KLHL24: variants seen among roughly 807,000 people sequenced by gnomAD.
KLHL24 encodes kelch-like protein 24.
KLHL24 carries 29 observed loss-of-function variants against 53.4 expected under a neutral mutation model. The ratio of observed to expected loss-of-function variants is 0.54; its 90% CI spans 0.40 to 0.74. The LOEUF (loss-of-function observed/expected upper bound fraction) is 0.74, where lower values mean the gene tolerates loss of function less well. Among genes scored for constraint, KLHL24 ranks in the 30% least tolerant of loss-of-function variants. The probability of loss-of-function intolerance (pLI) is 0.00; values close to 1 mark genes in which losing one functional copy is unlikely to be tolerated. For missense variants in KLHL24, 504 were observed against 744.0 expected, an observed-to-expected ratio of 0.68 and a Z score of 3.75; for synonymous variants, 222 against 253.7, an observed-to-expected ratio of 0.88 and a Z score of 1.19.
At chr3:183,646,973 C>G (rs1018345022) in intron 2 of KLHL24, among the ~76,000 whole-genome samples, 2 of 126,350 alleles carry the variant, frequency 1.6e-5, no homozygotes, top group African/African-American at 7.1e-5. Flanking sequence ...CCACGCCCAG[C>G]TAATTTTTTT....
chr3:183,665,124 T>C lies in KLHL24; in HGVS notation c.1224+85T>C. The C allele has an allele frequency of 5.6e-6, 4 of 710,200 alleles. No individual in the cohort carries two copies. The South Asian group carries it at 7.3e-5, about 13-fold the overall frequency. The allele number at this position is 710,200 out of a possible 1,614,324, so 44.0% of individuals were successfully genotyped here. On this transcript the variant is annotated intron_variant, in intron 5 of 7. Coordinates refer to ENST00000242810, the MANE Select transcript of KLHL24 (RefSeq NM_017644.3). ...TGAATCTTTCATTTTACTCACCCTC[T>C]GGGTATTTTGGATTCAAATTGTATT...
chr3:183,663,336 G>A lies in KLHL24; in HGVS notation c.921-122G>A, dbSNP rs1720068371. ...CTGTACCGTTTGGCACATGCACAGAGAAGAAACTTAACTGTTTATAATAGT... is the reference window on the plus strand; with the variant it reads ...CTGTACCGTTTGGCACATGCACAGAAAAGAAACTTAACTGTTTATAATAGT... On this transcript the variant is annotated intron_variant, in intron 3 of 7. Coordinates refer to ENST00000242810, the MANE Select transcript of KLHL24 (RefSeq NM_017644.3). This position sits in a 1 kb window ranked among gnomAD's most constrained non-coding sequence, Gnocchi z 4.9. 4.4e-6 allele frequency: 2 copies of A among 451,694 alleles called. No homozygotes were observed. The highest frequency in any genetic ancestry group is 1.1e-4 in the South Asian group (1 of 9,426). The allele number at this position is 451,694 out of a possible 1,614,324, so 28.0% of individuals were successfully genotyped here. A position where few individuals can be genotyped will look rare whatever the true frequency, so the allele number is the denominator to read the frequency against.
chr3:183,672,414 C>T lies in KLHL24; in HGVS notation c.1532C>T (p.Thr511Ile). 6.2e-7 allele frequency: 1 copy of T among 1,613,706 alleles called. No homozygotes were observed. Among genetic ancestry groups the T allele is most frequent in the Non-Finnish European group, 8.5e-7 (1 of 1,179,854 alleles). ...NNLIYVAGGL[T>I]KAIYCYDPVE... is the part of the protein sequence containing the mutation. ...CTGATCTATGTTGCCGGTGGACTGA[C>T]CAAGGCAATATACTGTTACGATCCA... The change falls in exon 7 of 8, where the codon ACC becomes ATC. Residue 511 changes from threonine (T) to isoleucine (I), a missense_variant. Coordinates refer to ENST00000242810, the MANE Select transcript of KLHL24 (RefSeq NM_017644.3).
In KLHL24 at chr3:183,663,773, A is replaced by G. The variant is rs139789769; in HGVS notation, c.1105+131A>G. 992 of 530,612 alleles carry G rather than the reference A, an allele frequency of 1.9e-3. 1 individual carries two copies. Among genetic ancestry groups the G allele is most frequent in the Non-Finnish European group, 2.6e-3 (843 of 330,364 alleles). The allele number at this position is 530,612 out of a possible 1,614,324, so 32.9% of individuals were successfully genotyped here. On this transcript the variant is annotated intron_variant, in intron 4 of 7. Transcript: ENST00000242810. The surrounding 1 kb of genome is among the most constrained non-coding windows in gnomAD (Gnocchi z 4.9). The stretch of plus-strand genomic sequence containing the variant: ...AGGAAGATCAGTTTACAACAAATAA[A>G]ACCAAGAATGACTTTTTGCTCTTAA...
At chr3:183,676,781 C>T (rs1303670727) in intron 7 of KLHL24, among the ~76,000 whole-genome samples, 1 of 152,044 alleles carries the variant, frequency 6.6e-6, no homozygotes, top group Non-Finnish European at 1.5e-5. Flanking sequence ...CTTTTTTTCT[C>T]TCTCTTCAGT....
chr3:183,640,263 C>G (rs1332284350), intron 1 of KLHL24, among the ~76,000 whole-genome samples: 1 of 152,086 alleles, frequency 6.6e-6, no homozygotes, highest in Non-Finnish European at 1.5e-5. Context: ...TTTTTTCTTC[C>G]TTTAGGGTTG....
At chr3:183,649,357 A>T (rs1717790479) in intron 2 of KLHL24, among the ~76,000 whole-genome samples, 1 of 152,094 alleles carries the variant, frequency 6.6e-6, no homozygotes, top group African/African-American at 2.4e-5. Flanking sequence ...ATAATTTTTA[A>T]TGGTTGCATA....
intron 2 of KLHL24, among the ~76,000 whole-genome samples, chr3:183,649,344 T>C (rs1159757679): frequency 6.6e-6 from 1 of 152,206 alleles, no homozygotes; most frequent in East Asian, 1.9e-4. Context: ...TAAATAGTCA[T>C]ATATAATTTT....
At chr3:183,670,631 G>A (rs1721206239) in intron 5 of KLHL24, among the ~76,000 whole-genome samples, 1 of 152,084 alleles carries the variant, frequency 6.6e-6, no homozygotes, top group Non-Finnish European at 1.5e-5. Context: ...TTACCCATAA[G>A]TGTGAATATT....
At chr3:183,674,888 T>C (rs1711571531) in intron 7 of KLHL24, among the ~76,000 whole-genome samples, 1 of 152,228 alleles carries the variant, frequency 6.6e-6, no homozygotes, top group Admixed American at 6.5e-5. Flanking sequence ...CTTCTTATCC[T>C]GTAATGCCTG....
intron 2 of KLHL24, among the ~76,000 whole-genome samples, chr3:183,648,235 A>G (rs75309421): frequency 0.023 from 3,437 of 152,242 alleles, 112 homozygotes; most frequent in East Asian, 0.16. Context: ...GAGTGAGAAG[A>G]GAGGATGGAG....
chr3:183,671,045 C>T lies in KLHL24; in HGVS notation c.1236C>T (p.Val412=), dbSNP rs1162207072. 18 of 1,611,264 alleles carry T rather than the reference C, an allele frequency of 1.1e-5. No homozygotes were observed. Among genetic ancestry groups the T allele is most frequent in the South Asian group, 3.3e-5 (3 of 90,938 alleles). ...TATTTTACATATAGGTATATGTTGT[C>T]GGTGGCTATGATGGGCAAAACAGAC... ...MAVLLGKVYV[V]GGYDGQNRLS... The change falls in exon 6 of 8, where the codon GTC becomes GTT. Residue 412 remains valine, a synonymous_variant. Coordinates refer to ENST00000242810, the MANE Select transcript of KLHL24 (RefSeq NM_017644.3).
At chr3:183,648,900 G>A (rs1717710673) in intron 2 of KLHL24, among the ~76,000 whole-genome samples, 1 of 152,138 alleles carries the variant, frequency 6.6e-6, no homozygotes, top group Non-Finnish European at 1.5e-5. Flanking sequence ...CTACTCGGGA[G>A]GCTGAGGTAG....
intron 7 of KLHL24, among the ~76,000 whole-genome samples, chr3:183,675,738 G>C (rs1247331002): frequency 6.6e-6 from 1 of 151,444 alleles, no homozygotes; most frequent in Non-Finnish European, 1.5e-5. Flanking sequence ...TTAGGGACCA[G>C]CCTGGGTGAC....
At chr3:183,668,072 T>A (rs947195865) in intron 5 of KLHL24, among the ~76,000 whole-genome samples, 1 of 148,638 alleles carries the variant, frequency 6.7e-6, no homozygotes, top group Admixed American at 6.8e-5. Context: ...GCTGCTGCTG[T>A]CTACAAGGCC....
intron 3 of KLHL24, among the ~76,000 whole-genome samples, chr3:183,662,718 T>C (rs1719979826): frequency 1.3e-5 from 2 of 152,190 alleles, no homozygotes; most frequent in African/African-American, 2.4e-5. Context: ...AGGCTCATTA[T>C]TGGTTTGGAA....
At position 183,650,498 on chromosome 3, in the gene KLHL24, C is replaced by T; in HGVS notation, c.142C>T (p.His48Tyr). Residue 48 changes from histidine (H) to tyrosine (Y), a missense_variant, in exon 3 of 8, where the codon CAT becomes TAT. Coordinates refer to ENST00000242810, the MANE Select transcript of KLHL24 (RefSeq NM_017644.3). This position sits in a 1 kb window ranked among gnomAD's most constrained non-coding sequence, Gnocchi z 4.5. The stretch of plus-strand genomic sequence containing the variant: ...TTTTGACTTCTCTTCAGGATCATCC[C>T]ATGCCGAAAACATACTCCAGATATT... ...EFFDFSSGSSHAENILQIFNE... is the reference protein window; with the variant it reads ...EFFDFSSGSSYAENILQIFNE... The T allele has an allele frequency of 6.2e-7, 1 of 1,614,072 alleles. No homozygotes were observed. The highest frequency in any genetic ancestry group is 8.5e-7 in the Non-Finnish European group (1 of 1,179,988).
chr3:183,650,765 C>T lies in KLHL24; in HGVS notation c.409C>T (p.Gln137Ter), dbSNP rs754471294. ...GKVKITTENV[Q>*]YLFETSSLFQ... ...GGTGAAGATCACTACAGAGAATGTA[C>T]AGTATCTCTTTGAGACATCAAGCCT... Residue 137 changes from glutamine to a stop codon, truncating the protein, a stop_gained, in exon 3 of 8, where the codon CAG becomes TAG. Transcript: ENST00000242810. LOFTEE classifies it high-confidence loss of function. This position sits in a 1 kb window ranked among gnomAD's most constrained non-coding sequence, Gnocchi z 4.5. 1 of 1,613,836 alleles carries T rather than the reference C, an allele frequency of 6.2e-7. No homozygotes were observed. The highest frequency in any genetic ancestry group is 1.1e-5 in the South Asian group (1 of 91,072).
rs773356593 is a variant in KLHL24 at position 183,671,157 on chromosome 3, A to G, written c.1348A>G (p.Thr450Ala). 1.5e-5 allele frequency: 24 copies of G among 1,614,034 alleles called. No homozygotes were observed. In the South Asian group the frequency reaches 1.6e-4, roughly 11 times the overall value. Residue 450 changes from threonine to alanine, a missense_variant, in exon 6 of 8, where the codon ACT (threonine) becomes GCT (alanine). Transcript: ENST00000242810. ...GGAAGCCGTGAGTTCTCCTGCAGTG[A>G]CTAGCTGTGTAGGCAAACTGTTTGT... ...LKEAVSSPAVTSCVGKLFVIG... is the reference protein window; with the variant it reads ...LKEAVSSPAVASCVGKLFVIG...
Sources: allele counts gnomAD v4.1 joint callset (sites outside exome capture counted in the v4.1 genomes callset), GRCh38; gene constraint gnomAD v4.1.1; non-coding constraint Gnocchi (gnomAD v3.1); transcripts MANE v1.5; gene names NCBI Gene and HGNC (gene_info 2026-07-23, HGNC 2026-07-21).